RNLS: variants seen among roughly 807,000 people sequenced by gnomAD.
RNLS encodes renalase.
Under a neutral mutation model 39.8 loss-of-function variants are expected in RNLS, and 39 were observed. The observed-to-expected ratio is 0.98, with a 90% CI of 0.76 to 1.28. The LOEUF is 1.28. Ranked by LOEUF, RNLS falls within the 50% of genes most tolerant of loss-of-function variation. RNLS has a pLI of 0.00. For synonymous variants in RNLS, 147 were observed against 150.7 expected (o/e 0.98, Z 0.18); for missense variants, 410 against 413.3 (o/e 0.99, Z 0.07).
At chr10:88,447,866 C>A (rs1842134109) in intron 4 of RNLS, among the ~76,000 whole-genome samples, 1 of 152,142 alleles carries the variant, frequency 6.6e-6, no homozygotes, top group East Asian at 1.9e-4. Context: ...CATCTACAAC[C>A]ATCTGATCTT....
the RNLS span, among the ~76,000 whole-genome samples, chr10:88,236,742 T>TGTGTC: frequency 4.6e-5 from 7 of 152,220 alleles, no homozygotes; most frequent in African/African-American, 1.7e-4. Context: ...CCTGTGCAGA[T>TGTGTC]AAAGCAGACA....
chr10:88,288,417 T>C (rs1057469346), intron 6 of RNLS, among the ~76,000 whole-genome samples: 5 of 152,138 alleles, frequency 3.3e-5, no homozygotes, highest in Non-Finnish European at 5.9e-5. Flanking sequence ...AATTTTTGAT[T>C]AGTCACTTAG....
rs954803700 is a variant in RNLS, at chr10:88,575,127, T to C, written c.368-2066A>G. ...TGGCCACAAGGTGTTCTGCAAAGTA[T>C]ATATATATATATATATATATATATA... On this transcript the variant is annotated intron_variant, in intron 3 of 6. Coordinates refer to ENST00000331772, the MANE Select transcript of RNLS (RefSeq NM_001031709.3). Among the ~76,000 whole-genome samples the C allele has an allele frequency of 4.4e-4, 24 of 54,080 alleles. No homozygotes were observed. The East Asian group carries it at 0.011, about 24-fold the overall frequency. The allele number at this position is 54,080 out of a possible 152,430, so 35.5% of individuals were successfully genotyped here.
At chr10:88,293,965 A>C (rs2132903312) in intron 6 of RNLS, among the ~76,000 whole-genome samples, 1 of 152,324 alleles carries the variant, frequency 6.6e-6, no homozygotes, top group African/African-American at 2.4e-5. Flanking sequence ...TTTTTATACA[A>C]ATATTACTCT....
the RNLS span, among the ~76,000 whole-genome samples, chr10:88,206,610 C>T: frequency 2.0e-5 from 3 of 152,234 alleles, no homozygotes; most frequent in African/African-American, 7.2e-5. Flanking sequence ...GCCTTTTCTC[C>T]AAACCCCCTC....
chr10:88,176,071 C>G, the RNLS span, among the ~76,000 whole-genome samples: 1 of 152,064 alleles, frequency 6.6e-6, no homozygotes, highest in African/African-American at 2.4e-5. Context: ...CGTATTCCAT[C>G]CCTTCACTTT....
intron 5 of RNLS, among the ~76,000 whole-genome samples, chr10:88,325,670 T>A (rs887198543): frequency 5.3e-5 from 8 of 152,196 alleles, no homozygotes; most frequent in Non-Finnish European, 1.5e-5. Flanking sequence ...ATGGGTCACA[T>A]CCAACTACAT....
intron 1 of RNLS, among the ~76,000 whole-genome samples, 194 bp downstream of exon 1, chr10:88,582,879 T>A (rs1431192180): frequency 2.0e-5 from 3 of 151,622 alleles, no homozygotes; most frequent in Admixed American, 2.0e-4. Context: ...TTCTTGGGCC[T>A]TTTCCCGGGC....
At chr10:88,543,528 T>C (rs1848150726) in intron 4 of RNLS, among the ~76,000 whole-genome samples, 2 of 152,148 alleles carry the variant, frequency 1.3e-5, no homozygotes, top group African/African-American at 4.8e-5. Context: ...GAAAGTTTAA[T>C]CTGATTAAAA....
the RNLS span, among the ~76,000 whole-genome samples, chr10:88,192,463 A>G: frequency 6.6e-6 from 1 of 152,230 alleles, no homozygotes; most frequent in East Asian, 1.9e-4. Context: ...TCAAAGTCAG[A>G]CACATCTTTT....
chr10:88,347,222 G>A (rs982156935), intron 5 of RNLS, among the ~76,000 whole-genome samples: 2 of 152,282 alleles, frequency 1.3e-5, no homozygotes, highest in African/African-American at 2.4e-5. Flanking sequence ...CTGGGAAGCA[G>A]AGCAGCTCAC....
intron 4 of RNLS, among the ~76,000 whole-genome samples, chr10:88,517,567 A>G (rs547025835): frequency 3.9e-5 from 6 of 152,038 alleles, no homozygotes; most frequent in Admixed American, 6.6e-5. Flanking sequence ...ACATAAATAC[A>G]TAACGGTTGA....
chr10:88,549,719 T>C (rs951717636), intron 4 of RNLS, among the ~76,000 whole-genome samples: 12 of 152,194 alleles, frequency 7.9e-5, no homozygotes, highest in African/African-American at 4.8e-5. Flanking sequence ...ATTTACACTA[T>C]CAGCAAATGC....
At chr10:88,509,268 C>A (rs1845958139) in intron 4 of RNLS, among the ~76,000 whole-genome samples, 1 of 152,068 alleles carries the variant, frequency 6.6e-6, no homozygotes, top group South Asian at 2.1e-4. Context: ...GCAACTGTTG[C>A]ACATTATCCT....
the RNLS span, among the ~76,000 whole-genome samples, chr10:88,242,300 T>G: frequency 2.0e-5 from 3 of 152,234 alleles, no homozygotes; most frequent in African/African-American, 7.2e-5. Flanking sequence ...CTTTCAATTT[T>G]AGGCCAATAT....
intron 6 of RNLS, among the ~76,000 whole-genome samples, chr10:88,288,017 A>T (rs906338434): frequency 6.6e-6 from 1 of 152,154 alleles, no homozygotes; most frequent in Non-Finnish European, 1.5e-5. Flanking sequence ...AGAGGCAAAT[A>T]ACTTTCTGGC....
the RNLS span, among the ~76,000 whole-genome samples, chr10:88,183,592 T>G: frequency 6.6e-6 from 1 of 152,186 alleles, no homozygotes; most frequent in Admixed American, 6.5e-5. Context: ...CATACTACTT[T>G]GTTGCTGATC....
the RNLS span, among the ~76,000 whole-genome samples, chr10:88,223,638 A>G: frequency 6.6e-6 from 1 of 152,220 alleles, no homozygotes; most frequent in Non-Finnish European, 1.5e-5. Context: ...AGGAAAGTGT[A>G]CTTTCTATGG....
intron 4 of RNLS, among the ~76,000 whole-genome samples, chr10:88,459,459 G>A (rs927177155): frequency 6.6e-6 from 1 of 152,068 alleles, no homozygotes; most frequent in Non-Finnish European, 1.5e-5. Flanking sequence ...CCTATACAAA[G>A]CAGTTTGCTC....
Sources: gnomAD v4.1 joint callset for allele counts (sites outside exome capture counted in the v4.1 genomes callset) on GRCh38, gnomAD v4.1.1 for gene constraint, MANE v1.5 for transcripts, NCBI Gene and HGNC (gene_info 2026-07-23, HGNC 2026-07-21) for gene names.